The following GBF1 variants were observed in gnomAD, a reference collection of about 807,000 sequenced individuals.
The protein encoded by GBF1 is Golgi-specific brefeldin A-resistance guanine nucleotide exchange factor 1.
GBF1 carries 114 observed loss-of-function variants against 210.5 expected under a neutral mutation model. That is an observed-to-expected ratio of 0.54 (90% CI 0.47 to 0.63). GBF1 has a LOEUF of 0.63. GBF1 is among the 30% of genes least tolerant of loss of function. The pLI, the probability that GBF1 is intolerant of heterozygous loss-of-function variation, is 0.00. For missense variants in GBF1, 1,851 were observed against 2,357.7 expected (o/e 0.79, Z 4.45); for synonymous variants, 850 against 889.2 (o/e 0.96, Z 0.78).
the GBF1 span, chr10:102,232,010 G>A: frequency 3.7e-6 from 6 of 1,609,900 alleles, no homozygotes; most frequent in Admixed American, 3.3e-5. Context: ...CTGGGGGTGC[G>A]GAGTGCCAGC....
intron 3 of GBF1, among the ~76,000 whole-genome samples, chr10:102,331,021 C>CA (rs1199173799): frequency 1.3e-5 from 2 of 151,990 alleles, no homozygotes; most frequent in Non-Finnish European, 2.9e-5. Context: ...GAGACGATGG[C>CA]AAAAATGACG....
chr10:102,358,536 C>T lies in GBF1; in HGVS notation c.818C>T (p.Pro273Leu). 6.2e-7 allele frequency: 1 copy of T among 1,613,828 alleles called. No individual in the cohort carries two copies. The highest frequency in any genetic ancestry group is 8.5e-7 in the Non-Finnish European group (1 of 1,179,708). ...ATGCCCTTCATTGATGTGCCCACTC[C>T]CATCTCCTCTGCAAGTTCAGAAGCT... is the stretch of plus-strand genomic sequence containing the variant. ...GGMPFIDVPT[P>L]ISSASSEAAS... The change falls in exon 10 of 40, where the codon CCC becomes CTC. Residue 273 changes from proline (P) to leucine (L), a missense_variant. Coordinates refer to ENST00000369983, the MANE Select transcript of GBF1 (RefSeq NM_001377137.1).
In GBF1 at chr10:102,352,056, A is replaced by C. The variant is rs1393863465; in HGVS notation, c.523+105A>C. The C allele has an allele frequency of 5.4e-6, 4 of 736,282 alleles. No homozygotes were observed. In the East Asian group the frequency reaches 1.0e-4, roughly 19 times the overall value. The allele number at this position is 736,282 out of a possible 1,614,324, so 45.6% of individuals were successfully genotyped here. On this transcript the variant is annotated intron_variant, in intron 6 of 39. Coordinates refer to ENST00000369983, the MANE Select transcript of GBF1 (RefSeq NM_001377137.1). Reference sequence around the variant, plus strand: ...GAGATGGAAAATTCAGGACTTCTCCATCATCTATCTCATGCGATCATAGGG... The same window carrying C: ...GAGATGGAAAATTCAGGACTTCTCCCTCATCTATCTCATGCGATCATAGGG...
chr10:102,333,355 G>T (rs960443590), intron 3 of GBF1, among the ~76,000 whole-genome samples: 2 of 152,158 alleles, frequency 1.3e-5, no homozygotes, highest in Non-Finnish European at 2.9e-5. Flanking sequence ...CCATTCATAG[G>T]TCTGGAAAAC....
chr10:102,333,854 G>C (rs932070424), intron 3 of GBF1, among the ~76,000 whole-genome samples: 4 of 152,092 alleles, frequency 2.6e-5, no homozygotes, highest in African/African-American at 9.7e-5. Context: ...TATATTCCTG[G>C]GGTGTACAGC....
chr10:102,369,631 TC>T, intron 24 of GBF1, 79 bp from the exon 25 acceptor site: 2 of 1,321,124 alleles, frequency 1.5e-6, no homozygotes, highest in East Asian at 4.7e-5. Flanking sequence ...GAGGAGGAAA[TC>T]CAGAGAACTT....
chr10:102,347,297 A>G (rs2134671404), intron 4 of GBF1, among the ~76,000 whole-genome samples: 1 of 152,328 alleles, frequency 6.6e-6, no homozygotes, highest in Non-Finnish European at 1.5e-5. Flanking sequence ...AATCCTGGGT[A>G]CCAACTAGCT....
chr10:102,249,154 G>T (rs1335444622), intron 1 of GBF1, among the ~76,000 whole-genome samples: 3 of 152,182 alleles, frequency 2.0e-5, no homozygotes, highest in Non-Finnish European at 4.4e-5. Flanking sequence ...ATGGTTACTG[G>T]ATGATGACCC....
the GBF1 span, chr10:102,232,023 C>T: frequency 1.2e-6 from 2 of 1,608,922 alleles, no homozygotes; most frequent in Non-Finnish European, 1.7e-6. Context: ...GTGCCAGCGT[C>T]TGACAGCGAC....
At chr10:102,357,892 A>G in intron 8 of GBF1, 147 bp from the exon 9 acceptor site, 1 of 653,708 alleles carries the variant, frequency 1.5e-6, no homozygotes. Flanking sequence ...AAGAGTAGGA[A>G]TGTGAACTGA....
intron 29 of GBF1, among the ~76,000 whole-genome samples, chr10:102,374,042 T>C (rs1173494127): frequency 6.6e-6 from 1 of 152,142 alleles, no homozygotes; most frequent in Non-Finnish European, 1.5e-5. Context: ...ATTTTTGAAA[T>C]GACAGAACTT....
chr10:102,327,214 G>A (rs2056970145), intron 3 of GBF1, among the ~76,000 whole-genome samples: 1 of 152,154 alleles, frequency 6.6e-6, no homozygotes, highest in Admixed American at 6.5e-5. Flanking sequence ...AGGCCACTGT[G>A]CTCTGGCAGC....
intron 3 of GBF1, among the ~76,000 whole-genome samples, chr10:102,279,009 A>G (rs61874856): frequency 0.078 from 11,849 of 152,238 alleles, 532 homozygotes; most frequent in African/African-American, 0.12. Context: ...CCTAACATAC[A>G]TTGATAATTC....
chr10:102,300,065 C>T (rs1304172129), intron 3 of GBF1, among the ~76,000 whole-genome samples: 1 of 152,102 alleles, frequency 6.6e-6, no homozygotes, highest in Non-Finnish European at 1.5e-5. Flanking sequence ...GGCAGGGGAT[C>T]TGAGGTTTTC....
At chr10:102,339,481 A>G (rs2058023307) in intron 3 of GBF1, among the ~76,000 whole-genome samples, 1 of 152,010 alleles carries the variant, frequency 6.6e-6, no homozygotes, top group Admixed American at 6.6e-5. Flanking sequence ...CCTGGCCAAC[A>G]TGGTGAAACC....
chr10:102,240,930 C>T (rs1188671389), upstream of GBF1, among the ~76,000 whole-genome samples: 2 of 152,212 alleles, frequency 1.3e-5, no homozygotes, highest in Admixed American at 6.5e-5. Flanking sequence ...CCGTCAACTG[C>T]CCCCACACTG....
At chr10:102,280,090 C>T (rs2075345040) in intron 3 of GBF1, among the ~76,000 whole-genome samples, 1 of 151,674 alleles carries the variant, frequency 6.6e-6, no homozygotes, top group African/African-American at 2.4e-5. Context: ...CACCACTGCA[C>T]TCTAGCCTGG....
intron 8 of GBF1, among the ~76,000 whole-genome samples, chr10:102,355,092 T>G (rs1281402261): frequency 6.6e-6 from 1 of 151,982 alleles, no homozygotes; most frequent in African/African-American, 2.4e-5. Context: ...AGGGGAGGGA[T>G]CCAAGCTAAA....
At position 102,351,914 on chromosome 10, in the gene GBF1, G is replaced by A. The variant is rs757691255; in HGVS notation, c.486G>A (p.Gln162=). Residue 162 remains glutamine, a synonymous_variant, in exon 6 of 40, where the codon CAG becomes CAA. Transcript: ENST00000369983. ...LTNESVCEIM[Q]SCFRICFEMR... ...ATGAATCTGTGTGTGAGATTATGCAGTCTTGCTTCCGGATCTGCTTTGAAA... is the reference window on the plus strand; with the variant it reads ...ATGAATCTGTGTGTGAGATTATGCAATCTTGCTTCCGGATCTGCTTTGAAA... The A allele has an allele frequency of 1.5e-4, 238 of 1,610,948 alleles. No individual in the cohort carries two copies. Among genetic ancestry groups the A allele is most frequent in the Middle Eastern group, 4.9e-4 (3 of 6,078 alleles).
Sources: gnomAD v4.1 joint callset for allele counts (sites outside exome capture counted in the v4.1 genomes callset) on GRCh38, gnomAD v4.1.1 for gene constraint, MANE v1.5 for transcripts, NCBI Gene and HGNC (gene_info 2026-07-23, HGNC 2026-07-21) for gene names.